The following MGAM2 variants were observed in gnomAD, a reference collection of about 807,000 sequenced individuals.
The protein encoded by MGAM2 is maltase-glucoamylase 2 (putative), also known as probable maltase-glucoamylase 2.
Under a neutral mutation model 96.1 loss-of-function variants are expected in MGAM2, and 98 were observed. That is an observed-to-expected ratio of 1.02 (90% confidence interval 0.87 to 1.21). MGAM2 has a LOEUF of 1.21. Among genes scored for constraint, MGAM2 ranks in the 50% most tolerant of loss-of-function variants. The pLI is 0.00. For synonymous variants in MGAM2, 749 were observed against 414.8 expected (o/e 1.81, Z -9.79); for missense variants, 2,055 against 1,182.4 (o/e 1.74, Z -10.82).
intron 3 of MGAM2, 92 bp from the exon 4 acceptor site, chr7:142,130,856 C>A (rs1229782053): frequency 8.0e-6 from 5 of 622,276 alleles, no homozygotes; most frequent in South Asian, 3.7e-5. Flanking sequence ...ATCTTAAATT[C>A]TCCTTGGAAT....
intron 3 of MGAM2, among the ~76,000 whole-genome samples, chr7:142,129,843 A>AG: frequency 8.6e-6 from 1 of 116,816 alleles, no homozygotes; most frequent in Non-Finnish European, 1.9e-5. Context: ...AAAAAAAAAA[A>AG]AAAAAAAAAA....
In MGAM2 at chr7:142,187,643, A is replaced by C; in HGVS notation, c.4123-107A>C. On this transcript the variant is annotated intron_variant, in intron 35 of 47. Transcript: ENST00000477922. The stretch of plus-strand genomic sequence containing the variant: ...ATTAAACACAGTGAACTAAACCACC[A>C]GCTGAGCTGAGGGCTTCAAAAGTCA... The C allele has an allele frequency of 9.7e-6, 6 of 616,970 alleles. No individual in the cohort carries two copies. In the East Asian group the frequency reaches 1.7e-4, roughly 17 times the overall value. The allele number at this position is 616,970 out of a possible 1,614,324, so 38.2% of individuals were successfully genotyped here.
rs1796018934 is a variant in MGAM2, at chr7:142,166,083, T to G, written c.2653-15T>G. The G allele has an allele frequency of 1.5e-6, 1 of 678,998 alleles. No homozygotes were observed. The highest frequency in any genetic ancestry group is 1.8e-5 in the African/African-American group (1 of 56,578). 42.1% of individuals were successfully genotyped at this position (678,998 alleles called of 1,614,324 possible). A position where few individuals can be genotyped will look rare whatever the true frequency, so the allele number is the denominator to read the frequency against. ...CCCTCCCTTCCTTTGTCACTGTGAC[T>G]GTCTCTTTCCCCAGGTGGTAACCAT... On this transcript the variant is annotated splice_polypyrimidine_tract_variant and intron_variant, in intron 24 of 47. Coordinates refer to ENST00000477922, the MANE Select transcript of MGAM2 (RefSeq NM_001293626.2).
intron 12 of MGAM2, among the ~76,000 whole-genome samples, chr7:142,141,615 T>C (rs1203083035): frequency 6.6e-6 from 1 of 152,178 alleles, no homozygotes; most frequent in Non-Finnish European, 1.5e-5. Flanking sequence ...TTCTCCTACC[T>C]CAGCCTCCCG....
intron 6 of MGAM2, among the ~76,000 whole-genome samples, chr7:142,133,518 A>G (rs1008502328): frequency 8.5e-5 from 13 of 152,182 alleles, no homozygotes; most frequent in African/African-American, 3.1e-4. Context: ...TGGAGTAAAC[A>G]GAAGTATTAG....
chr7:142,165,925 C>G (rs1466489464), intron 24 of MGAM2, among the ~76,000 whole-genome samples, 173 bp from the exon 25 acceptor site: 1 of 152,186 alleles, frequency 6.6e-6, no homozygotes, highest in Admixed American at 6.5e-5. Flanking sequence ...TCCACAATGA[C>G]TCCATGAAGT....
intron 3 of MGAM2, among the ~76,000 whole-genome samples, chr7:142,121,237 C>T (rs1050959289): frequency 1.9e-4 from 29 of 151,986 alleles, no homozygotes; most frequent in Admixed American, 3.9e-4. Context: ...AGTGCAGTGG[C>T]GCGGATCTTG....
chr7:142,142,685 A>G (rs139759129), intron 12 of MGAM2, among the ~76,000 whole-genome samples: 2,967 of 151,906 alleles, frequency 0.02, 84 homozygotes, highest in African/African-American at 0.068. Flanking sequence ...AGGTAGCTGG[A>G]ATTACAGGTG....
At chr7:142,173,074 T>C (rs9986802) in intron 30 of MGAM2, among the ~76,000 whole-genome samples, 155 bp from the exon 31 acceptor site, 80,188 of 152,116 alleles carry the variant, frequency 0.53, 23,067 homozygotes, top group African/African-American at 0.77. Context: ...TTTGCATGTC[T>C]GTAGTTGCTC....
At chr7:142,209,544 T>G (rs904124784) in intron 46 of MGAM2, among the ~76,000 whole-genome samples, 1 of 152,246 alleles carries the variant, frequency 6.6e-6, no homozygotes, top group Non-Finnish European at 1.5e-5. Flanking sequence ...GCTTCTCTAT[T>G]TTTACCTAGT....
chr7:142,211,511 C>G (rs950888544), intron 46 of MGAM2, among the ~76,000 whole-genome samples: 2 of 152,072 alleles, frequency 1.3e-5, no homozygotes, highest in African/African-American at 4.8e-5. Flanking sequence ...CCTGATGGAG[C>G]TGAAAAATAT....
rs1312067561 is a variant in MGAM2 at position 142,154,208 on chromosome 7, C to T, written c.1806+19C>T. ...CCCCATGGTGAGCCTTATTTCCAAC[C>T]AGGGAACTTTAACCCTTTGTCTGTT... is the stretch of plus-strand genomic sequence containing the variant. On this transcript the variant is annotated intron_variant, in intron 16 of 47. Coordinates refer to ENST00000477922, the MANE Select transcript of MGAM2 (RefSeq NM_001293626.2). 5.3e-6 allele frequency: 3 copies of T among 570,362 alleles called. No homozygotes were observed. The Admixed American group carries it at 7.6e-5, about 14-fold the overall frequency. 35.3% of individuals were successfully genotyped at this position (570,362 alleles called of 1,614,324 possible).
At chr7:142,178,471 A>G (rs542675455) in intron 32 of MGAM2, among the ~76,000 whole-genome samples, 2 of 152,200 alleles carry the variant, frequency 1.3e-5, no homozygotes, top group South Asian at 4.1e-4. Context: ...TTCTTCTAGG[A>G]TTTTAATAAT....
In MGAM2 at chr7:142,154,944, A is replaced by C. The variant is rs1795694776; in HGVS notation, c.1923+99A>C. On this transcript the variant is annotated intron_variant, in intron 17 of 47. Transcript: ENST00000477922. ...AAAATAGTACTACAGGTTGGCACTAACTGCAGCAGAAGGATAAAAAAGTCT... is the reference window on the plus strand; with the variant it reads ...AAAATAGTACTACAGGTTGGCACTACCTGCAGCAGAAGGATAAAAAAGTCT... The C allele has an allele frequency of 1.8e-5, 12 of 658,062 alleles. No homozygotes were observed. In the Admixed American group the frequency reaches 2.7e-4, roughly 15 times the overall value. 40.8% of individuals were successfully genotyped at this position (658,062 alleles called of 1,614,324 possible).
intron 9 of MGAM2, among the ~76,000 whole-genome samples, 197 bp downstream of exon 9, chr7:142,137,742 A>G (rs1206807653): frequency 6.6e-6 from 1 of 152,192 alleles, no homozygotes; most frequent in African/African-American, 2.4e-5. Context: ...GACACTGTGC[A>G]AGGCTTGAGA....
intron 3 of MGAM2, among the ~76,000 whole-genome samples, chr7:142,123,031 T>C (rs747994293): frequency 1.3e-5 from 2 of 152,244 alleles, no homozygotes; most frequent in African/African-American, 2.4e-5. Flanking sequence ...GGTTTCACCA[T>C]ATTGGCCAGG....
At chr7:142,217,702 A>G (rs1026495425) in intron 46 of MGAM2, among the ~76,000 whole-genome samples, 2 of 152,150 alleles carry the variant, frequency 1.3e-5, no homozygotes, top group African/African-American at 4.8e-5. Context: ...TGTGTTTGCT[A>G]ACATACTAGG....
At chr7:142,137,689 T>C (rs887813219) in intron 9 of MGAM2, 144 bp downstream of exon 9, 1 of 452,504 alleles carries the variant, frequency 2.2e-6, no homozygotes, top group Admixed American at 3.9e-5. Context: ...TATTGTTTAT[T>C]TATTTTGATG....
In MGAM2 at chr7:142,175,708, T is replaced by C; in HGVS notation, c.3744T>C (p.Ser1248=). Residue 1248 remains serine, a synonymous_variant, in exon 32 of 48, where the codon AGT becomes AGC. Transcript: ENST00000477922. Reference sequence around the variant, plus strand: ...ACCGGAAGCTGGATTTCACCCTCAGTGCCAACTTTCAAAACCTCAGTCTTC... The same window carrying C: ...ACCGGAAGCTGGATTTCACCCTCAGCGCCAACTTTCAAAACCTCAGTCTTC... ...YMNRKLDFTL[S]ANFQNLSLLI... The C allele has an allele frequency of 1.4e-6, 1 of 702,854 alleles. No homozygotes were observed. The highest frequency in any genetic ancestry group is 1.5e-5 in the South Asian group (1 of 67,598). 43.5% of individuals were successfully genotyped at this position (702,854 alleles called of 1,614,324 possible). A position where few individuals can be genotyped will look rare whatever the true frequency, so the allele number is the denominator to read the frequency against.
Sources: allele counts gnomAD v4.1 joint callset (sites outside exome capture counted in the v4.1 genomes callset), GRCh38; gene constraint gnomAD v4.1.1; transcripts MANE v1.5; gene names NCBI Gene and HGNC (gene_info 2026-07-23, HGNC 2026-07-21).